COL13A1: variants seen among roughly 807,000 people sequenced by gnomAD.
The protein encoded by COL13A1 is collagen type XIII alpha 1 chain.
Under a neutral mutation model 130.9 loss-of-function variants are expected in COL13A1, and 89 were observed. The ratio of observed to expected loss-of-function variants is 0.68; its 90% CI spans 0.57 to 0.81. COL13A1 has a LOEUF of 0.81. COL13A1 is among the 30% of genes least tolerant of loss of function. The pLI, the probability that COL13A1 is intolerant of heterozygous loss-of-function variation, is 0.00. For synonymous variants in COL13A1, 402 were observed against 341.6 expected (o/e 1.18, Z -1.95); for missense variants, 879 against 934.6 (o/e 0.94, Z 0.78).
At position 69,897,681 on chromosome 10, in the gene COL13A1, T is replaced by C. The variant is rs1021369355; in HGVS notation, c.685-1016T>C. 1.7e-4 allele frequency: 158 copies of C among 907,124 alleles called. No homozygotes were observed. In the African/African-American group the frequency reaches 2.4e-3, roughly 14 times the overall value. The allele number at this position is 907,124 out of a possible 1,614,324, so 56.2% of individuals were successfully genotyped here. A position where few individuals can be genotyped will look rare whatever the true frequency, so the allele number is the denominator to read the frequency against. On this transcript the variant is annotated intron_variant, in intron 13 of 40. Transcript: ENST00000645393. ...GTCCAAGAAGGCAGCAGCTGTGACC[T>C]GGAAAGGCCACACTTGGGCTCCCCA...
chr10:69,915,095 C>T (rs1279754572), intron 17 of COL13A1, among the ~76,000 whole-genome samples: 1 of 152,238 alleles, frequency 6.6e-6, no homozygotes, highest in African/African-American at 2.4e-5. Context: ...CTATCCAAAG[C>T]CCTAGGCTGC....
chr10:69,911,359 T>G (rs1310036461), intron 17 of COL13A1, among the ~76,000 whole-genome samples: 1 of 152,276 alleles, frequency 6.6e-6, no homozygotes, highest in Non-Finnish European at 1.5e-5. Flanking sequence ...CTAGGCACTT[T>G]GCATGCATCA....
rs753639144 is a variant in COL13A1 at position 69,930,497 on chromosome 10, C to A, written c.1628C>A (p.Pro543Gln). 6 of 1,613,760 alleles carry A rather than the reference C, an allele frequency of 3.7e-6. No homozygotes were observed. The African/African-American group carries it at 6.7e-5, about 18-fold the overall frequency. The change falls in exon 30 of 41, where the codon CCA (proline) becomes CAA (glutamine). Residue 543 changes from proline to glutamine, a missense_variant. Physicochemically the swap from Pro to Gln is moderately conservative, Grantham distance 76. Coordinates refer to ENST00000645393, the MANE Select transcript of COL13A1 (RefSeq NM_001368882.1). ...PPGVKGENGH[P>Q]GSPGEKGEKG... ...GGAGTGAAGGGAGAAAACGGGCACC[C>A]AGGGAGCCCAGGAGAGAAGGGGGAA...
chr10:69,844,786 A>G (rs1397371900), intron 2 of COL13A1, among the ~76,000 whole-genome samples: 1 of 152,246 alleles, frequency 6.6e-6, no homozygotes, highest in Admixed American at 6.5e-5. Context: ...CGTAAAGTAC[A>G]TATGCCAGGT....
intron 38 of COL13A1, among the ~76,000 whole-genome samples, chr10:69,948,777 T>C (rs561736667): frequency 6.6e-6 from 1 of 152,230 alleles, no homozygotes; most frequent in South Asian, 2.1e-4. Flanking sequence ...ACGGTGACCA[T>C]GTTGCTCTAG....
chr10:69,853,282 C>T (rs1248885965), intron 2 of COL13A1, among the ~76,000 whole-genome samples: 1 of 152,168 alleles, frequency 6.6e-6, no homozygotes, highest in Non-Finnish European at 1.5e-5. Flanking sequence ...CGTCCCATCC[C>T]CCACCTGGCA....
intron 1 of COL13A1, among the ~76,000 whole-genome samples, chr10:69,807,311 A>G (rs966346270): frequency 1.3e-5 from 2 of 152,114 alleles, no homozygotes; most frequent in Non-Finnish European, 2.9e-5. Flanking sequence ...CCCTCCCACT[A>G]TCTGTGATTC....
At chr10:69,803,465 A>C (rs1589103860) in intron 1 of COL13A1, among the ~76,000 whole-genome samples, 1 of 152,222 alleles carries the variant, frequency 6.6e-6, no homozygotes, top group South Asian at 2.1e-4. Context: ...AAGGAGGGAC[A>C]TGCAGCCTCT....
intron 2 of COL13A1, chr10:69,829,243 C>T (rs1413033388): frequency 2.0e-6 from 2 of 985,324 alleles, no homozygotes; most frequent in Non-Finnish European, 2.4e-6. Flanking sequence ...AGGGTGCTGC[C>T]ACCTGACCTC....
intron 2 of COL13A1, among the ~76,000 whole-genome samples, chr10:69,851,156 C>T (rs1194181612): frequency 6.6e-6 from 1 of 152,210 alleles, no homozygotes; most frequent in Non-Finnish European, 1.5e-5. Context: ...GGCATTCCTG[C>T]GTATGCTTCA....
At chr10:69,877,724 C>T (rs2059739329) in intron 5 of COL13A1, 1 of 395,808 alleles carries the variant, frequency 2.5e-6, no homozygotes, top group East Asian at 4.7e-5. Flanking sequence ...CACACACACA[C>T]ACACACACAC....
At chr10:69,914,113 C>T (rs1317983833) in intron 17 of COL13A1, among the ~76,000 whole-genome samples, 1 of 152,186 alleles carries the variant, frequency 6.6e-6, no homozygotes, top group Non-Finnish European at 1.5e-5. Context: ...CGGGGTTTTG[C>T]TCTGCACAGT....
chr10:69,922,610 C>A, intron 22 of COL13A1, 98 bp from the exon 23 acceptor site: 1 of 751,636 alleles, frequency 1.3e-6, no homozygotes, highest in South Asian at 2.5e-5. Context: ...GCCCCTGGTC[C>A]CCAGACATCC....
Position 69,917,344 on chromosome 10 carries a change from C to T in COL13A1, c.966+11C>T, listed in dbSNP as rs776806911. On this transcript the variant is annotated intron_variant, in intron 18 of 40. Coordinates refer to ENST00000645393, the MANE Select transcript of COL13A1 (RefSeq NM_001368882.1). ...AAGCATGGAGCCAAGGTACCTCCCC[C>T]TTCCCCACATCCCAGGCAGCCCCAA... The T allele has an allele frequency of 1.5e-5, 24 of 1,612,490 alleles. No individual in the cohort carries two copies. Among genetic ancestry groups the T allele is most frequent in the Non-Finnish European group, 1.7e-5 (20 of 1,179,292 alleles).
intron 1 of COL13A1, among the ~76,000 whole-genome samples, chr10:69,808,673 A>G (rs548345872): frequency 3.6e-4 from 55 of 152,348 alleles, no homozygotes; most frequent in African/African-American, 1.3e-3. Context: ...CCATGTGACC[A>G]CACATGACCC....
intron 17 of COL13A1, among the ~76,000 whole-genome samples, chr10:69,915,176 A>G (rs981145833): frequency 6.6e-6 from 1 of 152,108 alleles, no homozygotes; most frequent in African/African-American, 2.4e-5. Context: ...AATAACGTCC[A>G]CTCCCACATT....
chr10:69,935,755 A>T (rs2066747910), intron 32 of COL13A1, among the ~76,000 whole-genome samples: 1 of 152,118 alleles, frequency 6.6e-6, no homozygotes, highest in African/African-American at 2.4e-5. Context: ...CCGTGATACC[A>T]ATCTGGCACT....
chr10:69,908,542 G>C (rs948598136), intron 17 of COL13A1, among the ~76,000 whole-genome samples: 6 of 152,216 alleles, frequency 3.9e-5, no homozygotes, highest in African/African-American at 1.2e-4. Flanking sequence ...TACCATGACA[G>C]GTGTCTGCAT....
chr10:69,948,396 C>A (rs1231506654), intron 38 of COL13A1, among the ~76,000 whole-genome samples: 1 of 152,180 alleles, frequency 6.6e-6, no homozygotes, highest in Admixed American at 6.5e-5. Context: ...AAGTGCTCTT[C>A]ACTGGCAGCT....
Sources: gnomAD v4.1 joint callset for allele counts (sites outside exome capture counted in the v4.1 genomes callset) on GRCh38, gnomAD v4.1.1 for gene constraint, MANE v1.5 for transcripts, NCBI Gene and HGNC (gene_info 2026-07-23, HGNC 2026-07-21) for gene names.